CYTH3: variants seen among roughly 807,000 people sequenced by gnomAD.
The protein encoded by CYTH3 is cytohesin 3.
A neutral mutation model predicts 55.1 loss-of-function variants in CYTH3; 23 were observed. The observed-to-expected ratio is 0.42, with a 90% CI of 0.30 to 0.59. The LOEUF (loss-of-function observed/expected upper bound fraction) is 0.59, where lower values mean the gene tolerates loss of function less well. Among genes scored for constraint, CYTH3 ranks in the 20% least tolerant of loss-of-function variants. The pLI, the probability that CYTH3 is intolerant of heterozygous loss-of-function variation, is 0.20. For synonymous variants in CYTH3, 249 were observed against 194.9 expected (o/e 1.28, Z -2.31); for missense variants, 413 against 524.8 (o/e 0.79, Z 2.08).
chr7:6,261,826 A>C (rs1780361620), intron 1 of CYTH3, among the ~76,000 whole-genome samples: 1 of 152,146 alleles, frequency 6.6e-6, no homozygotes, highest in African/African-American at 2.4e-5. Flanking sequence ...TCCAGAATTT[A>C]ATTAAAGCTC....
At chr7:6,172,701 G>T in intron 6 of CYTH3, 1 of 1,110,194 alleles carries the variant, frequency 9.0e-7, no homozygotes, top group Non-Finnish European at 1.1e-6. Context: ...CAGCTGCAAG[G>T]GCCGCACCAG....
intron 1 of CYTH3, among the ~76,000 whole-genome samples, chr7:6,237,813 G>T (rs1167778005): frequency 2.0e-5 from 3 of 152,158 alleles, no homozygotes; most frequent in Admixed American, 1.3e-4. Flanking sequence ...ACAGAAACTT[G>T]ACTACTACTT....
chr7:6,215,260 T>C (rs978584429), intron 1 of CYTH3, among the ~76,000 whole-genome samples: 4 of 152,152 alleles, frequency 2.6e-5, no homozygotes, highest in African/African-American at 9.7e-5. Flanking sequence ...CAGGGGCACT[T>C]GATAGTCCCA....
In CYTH3 at chr7:6,164,584, G is replaced by A. The variant is rs1782930240; in HGVS notation, c.*360C>T. On this transcript the variant is annotated 3_prime_UTR_variant, in exon 13 of 13. Coordinates refer to ENST00000350796, the MANE Select transcript of CYTH3 (RefSeq NM_004227.4). ...GTGGAATCCGTCCCGTGTCTGCTGT[G>A]GAGACAGCGGAAGCTGCTGTCCTGG... 9.8e-6 allele frequency: 3 copies of A among 305,926 alleles called. No individual in the cohort carries two copies. Among genetic ancestry groups the A allele is most frequent in the South Asian group, 8.5e-5 (2 of 23,562 alleles). 19.0% of individuals were successfully genotyped at this position (305,926 alleles called of 1,614,324 possible).
At chr7:6,224,063 C>T (rs867260216) in intron 1 of CYTH3, among the ~76,000 whole-genome samples, 1 of 151,988 alleles carries the variant, frequency 6.6e-6, no homozygotes, top group Non-Finnish European at 1.5e-5. Flanking sequence ...AGCAAAAACA[C>T]GTCTTCACAC....
At chr7:6,177,969 G>A (rs754946255) in intron 4 of CYTH3, 28 bp from the exon 5 acceptor site, 1 of 1,533,372 alleles carries the variant, frequency 6.5e-7, no homozygotes, top group East Asian at 2.3e-5. Flanking sequence ...GGAAGCACTG[G>A]TTAGGAGTGT....
chr7:6,188,767 G>A (rs573146186), intron 2 of CYTH3: 11 of 152,320 alleles, frequency 7.2e-5, no homozygotes, highest in African/African-American at 2.6e-4. Context: ...AGTAGTTAGA[G>A]CTAGATTACG....
intron 1 of CYTH3, among the ~76,000 whole-genome samples, chr7:6,268,314 C>G (rs759490696): frequency 2.6e-5 from 4 of 152,136 alleles, no homozygotes; most frequent in Non-Finnish European, 5.9e-5. Flanking sequence ...ATTACAGGCA[C>G]GCACCACCAC....
intron 1 of CYTH3, among the ~76,000 whole-genome samples, chr7:6,225,257 A>T (rs1158909802): frequency 6.6e-6 from 1 of 152,222 alleles, no homozygotes; most frequent in Non-Finnish European, 1.5e-5. Context: ...ACTATCACAT[A>T]TCCAATGAAT....
At position 6,170,303 on chromosome 7, in the gene CYTH3, GC is replaced by G; in HGVS notation, c.823+231del. ...CTAACTCAGCAGTTTTCTGGGACGG[GC>G]CGTGCAGCCTGGGCGCTACTCTCTG... On this transcript the variant is annotated intron_variant, in intron 9 of 12. Transcript: ENST00000350796. This position sits in a 1 kb window ranked among gnomAD's most constrained non-coding sequence, Gnocchi z 7.8. 1 of 535,182 alleles carries G rather than the reference GC, an allele frequency of 1.9e-6. No homozygotes were observed. Among genetic ancestry groups the G allele is most frequent in the Non-Finnish European group, 3.3e-6 (1 of 304,100 alleles). The allele number at this position is 535,182 out of a possible 1,614,324, so 33.2% of individuals were successfully genotyped here.
At chr7:6,234,260 C>T (rs1436823948) in intron 1 of CYTH3, among the ~76,000 whole-genome samples, 1 of 152,112 alleles carries the variant, frequency 6.6e-6, no homozygotes, top group Non-Finnish European at 1.5e-5. Flanking sequence ...CTGGAGTGGC[C>T]CTCTCTTAGT....
At chr7:6,198,875 T>C (rs1420159533) in intron 1 of CYTH3, among the ~76,000 whole-genome samples, 1 of 152,036 alleles carries the variant, frequency 6.6e-6, no homozygotes, top group Non-Finnish European at 1.5e-5. Flanking sequence ...TATAAAATCC[T>C]GACATTCCAG....
chr7:6,251,632 C>T (rs998035728), intron 1 of CYTH3, among the ~76,000 whole-genome samples: 4 of 152,050 alleles, frequency 2.6e-5, no homozygotes, highest in East Asian at 1.9e-4. Flanking sequence ...TTATTATTTC[C>T]GTAAAGTTTA....
chr7:6,240,101 T>C (rs1253872114), intron 1 of CYTH3, among the ~76,000 whole-genome samples: 1 of 151,188 alleles, frequency 6.6e-6, no homozygotes, highest in African/African-American at 2.4e-5. Context: ...AGGTCAGGAG[T>C]TCGAGACCAG....
intron 1 of CYTH3, among the ~76,000 whole-genome samples, chr7:6,222,905 T>G (rs1428698105): frequency 6.6e-6 from 1 of 152,190 alleles, no homozygotes; most frequent in Admixed American, 6.5e-5. Flanking sequence ...AAAAGGCAGT[T>G]TCAAACAACA....
chr7:6,185,317 G>A (rs902605057), intron 4 of CYTH3, among the ~76,000 whole-genome samples: 2 of 151,444 alleles, frequency 1.3e-5, no homozygotes, highest in Non-Finnish European at 2.9e-5. Flanking sequence ...TGGCGCAGTG[G>A]CTCATGCCTG....
chr7:6,236,857 C>G (rs1779537578), intron 1 of CYTH3, among the ~76,000 whole-genome samples: 2 of 152,242 alleles, frequency 1.3e-5, no homozygotes. Context: ...GCCACTGCGC[C>G]CGGCCAAGTC....
intron 1 of CYTH3, among the ~76,000 whole-genome samples, chr7:6,248,153 A>G (rs540882446): frequency 6.7e-6 from 1 of 150,370 alleles, no homozygotes; most frequent in East Asian, 1.9e-4. Context: ...CAAAAATTAT[A>G]TCCCCCTCCT....
chr7:6,187,404 C>A (rs1473062208), intron 3 of CYTH3, among the ~76,000 whole-genome samples: 2 of 152,244 alleles, frequency 1.3e-5, no homozygotes, highest in South Asian at 2.1e-4. Context: ...TGCGGGTCAA[C>A]CCTGAAGTGC....
Sources: allele counts gnomAD v4.1 joint callset (sites outside exome capture counted in the v4.1 genomes callset), GRCh38; gene constraint gnomAD v4.1.1; non-coding constraint Gnocchi (gnomAD v3.1); transcripts MANE v1.5; gene names NCBI Gene and HGNC (gene_info 2026-07-23, HGNC 2026-07-21).